UGP2: variants seen among roughly 807,000 people sequenced by gnomAD.
UGP2 encodes UDP-glucose pyrophosphorylase 2.
In UGP2, 40 loss-of-function variants were observed where a neutral mutation model predicts 49.0. The ratio of observed to expected loss-of-function variants is 0.82; its 90% CI spans 0.63 to 1.06. The LOEUF is 1.06. UGP2 is among the 50% of genes least tolerant of loss of function. The pLI, the probability that UGP2 is intolerant of heterozygous loss-of-function variation, is 0.00. For missense variants in UGP2, 460 were observed against 603.5 expected (o/e 0.76, Z 2.49); for synonymous variants, 225 against 213.0 (o/e 1.06, Z -0.49).
chr2:63,870,082 C>T (rs927070501), intron 3 of UGP2, among the ~76,000 whole-genome samples: 1 of 152,032 alleles, frequency 6.6e-6, no homozygotes, highest in Non-Finnish European at 1.5e-5. Context: ...GCCACCATGC[C>T]TGGCTAATTT....
chr2:63,841,388 G>C (rs560448777), upstream of UGP2, among the ~76,000 whole-genome samples: 13 of 152,184 alleles, frequency 8.5e-5, no homozygotes, highest in South Asian at 2.5e-3. Flanking sequence ...GAATATGTAC[G>C]GGAAGGGTCG....
intron 1 of UGP2, among the ~76,000 whole-genome samples, chr2:63,846,483 A>G (rs1671943704): frequency 6.6e-6 from 1 of 152,226 alleles, no homozygotes; most frequent in Non-Finnish European, 1.5e-5. Flanking sequence ...ATCTATCTAA[A>G]TTATGTAAAA....
intron 1 of UGP2, 119 bp downstream of exon 1, chr2:63,842,323 C>T: frequency 6.2e-7 from 1 of 1,606,484 alleles, no homozygotes. Flanking sequence ...ATTTGCGAAA[C>T]CCTTTTCGTT....
chr2:63,860,766 T>A (rs1669782555), intron 3 of UGP2, among the ~76,000 whole-genome samples: 1 of 148,170 alleles, frequency 6.7e-6, no homozygotes, highest in African/African-American at 2.5e-5. Context: ...CAGCTAATTT[T>A]TTTTTTTTTT....
chr2:63,888,213 G>A (rs1671823877), intron 8 of UGP2: 2 of 154,294 alleles, frequency 1.3e-5, no homozygotes, highest in Non-Finnish European at 1.4e-5. Context: ...GCCTCATTGA[G>A]TTGATTGAGT....
At position 63,891,288 on chromosome 2, in the gene UGP2, A is replaced by G; in HGVS notation, c.*61A>G. 3 of 1,438,124 alleles carry G rather than the reference A, an allele frequency of 2.1e-6. No homozygotes were observed. Among genetic ancestry groups the G allele is most frequent in the East Asian group, 2.3e-5 (1 of 43,554 alleles). The allele number at this position is 1,438,124 out of a possible 1,614,324, so 89.1% of individuals were successfully genotyped here. ...AGTTTCTTACAATGAAATGTTCTCT[A>G]GGATTCTAAAATAGGCAGGTACTTT... On this transcript the variant is annotated 3_prime_UTR_variant, in exon 10 of 10. Transcript: ENST00000337130.
intron 8 of UGP2, 198 bp from the exon 9 acceptor site, chr2:63,889,883 C>A: frequency 6.4e-6 from 3 of 467,268 alleles, no homozygotes; most frequent in Non-Finnish European, 7.5e-6. Flanking sequence ...GGTGTAAAAA[C>A]AATGTTTGTA....
chr2:63,879,651 C>T (rs1009611502), intron 3 of UGP2, among the ~76,000 whole-genome samples: 6 of 152,178 alleles, frequency 3.9e-5, no homozygotes, highest in Non-Finnish European at 7.3e-5. Context: ...TCCGGATACC[C>T]GTAGGGGTAG....
chr2:63,878,194 C>T (rs1158724789), intron 3 of UGP2, among the ~76,000 whole-genome samples: 7 of 152,028 alleles, frequency 4.6e-5, no homozygotes, highest in Non-Finnish European at 1.0e-4. Context: ...AAGTGCTGTT[C>T]CATCTTGTAT....
chr2:63,842,526 G>C (rs1028520235), intron 1 of UGP2: 32 of 1,533,564 alleles, frequency 2.1e-5, no homozygotes, highest in Non-Finnish European at 2.6e-5. Flanking sequence ...CTCTTTTCCT[G>C]GTCTGTGTCA....
chr2:63,860,955 TCTTAC>T (rs1344323460), intron 3 of UGP2, among the ~76,000 whole-genome samples: 1 of 152,072 alleles, frequency 6.6e-6, no homozygotes, highest in Non-Finnish European at 1.5e-5. Context: ...TTTTACTCGT[TCTTAC>T]CTTTTGTGTT....
chr2:63,866,336 C>T (rs1670185426), intron 3 of UGP2, among the ~76,000 whole-genome samples: 1 of 152,180 alleles, frequency 6.6e-6, no homozygotes, highest in South Asian at 2.1e-4. Context: ...GTTAATGTGT[C>T]TAAAACTTTT....
intron 3 of UGP2, among the ~76,000 whole-genome samples, chr2:63,869,133 A>G (rs1247402939): frequency 1.3e-5 from 2 of 152,190 alleles, no homozygotes; most frequent in African/African-American, 4.8e-5. Flanking sequence ...GAAGTGGACA[A>G]TAAAAAATAT....
chr2:63,889,914 G>A lies in UGP2; in HGVS notation c.1315-167G>A, dbSNP rs1278544052. 8.9e-6 allele frequency: 5 copies of A among 560,696 alleles called. No individual in the cohort carries two copies. In the East Asian group the frequency reaches 9.4e-5, roughly 11 times the overall value. 34.7% of individuals were successfully genotyped at this position (560,696 alleles called of 1,614,324 possible). ...TTGTAGCTCCTGGTCTTTCCTGCAC[G>A]GCATTTAGCATATAATGAGTGCTTA... On this transcript the variant is annotated intron_variant, in intron 8 of 9. Coordinates refer to ENST00000337130, the MANE Select transcript of UGP2 (RefSeq NM_006759.4).
chr2:63,881,060 A>G (rs1256469864), intron 3 of UGP2, among the ~76,000 whole-genome samples: 1 of 152,212 alleles, frequency 6.6e-6, no homozygotes, highest in Non-Finnish European at 1.5e-5. Context: ...ACAAGTAGAG[A>G]GCCTTGGAGA....
chr2:63,858,605 T>C (rs1669613670), intron 3 of UGP2, among the ~76,000 whole-genome samples: 1 of 152,160 alleles, frequency 6.6e-6, no homozygotes, highest in Non-Finnish European at 1.5e-5. Context: ...AAAGCTAAAA[T>C]TCCTCTTGGC....
chr2:63,883,353 A>G (rs1412955110), intron 4 of UGP2: 3 of 152,226 alleles, frequency 2.0e-5, no homozygotes, highest in East Asian at 1.9e-4. Context: ...GGTTCCCAAG[A>G]TAGTTAGTAA....
intron 5 of UGP2, 111 bp from the exon 6 acceptor site, chr2:63,885,478 T>G: frequency 1.2e-6 from 1 of 860,660 alleles, no homozygotes; most frequent in Non-Finnish European, 1.6e-6. Context: ...TACTTATTGA[T>G]AGACTCTGAA....
chr2:63,858,159 C>A (rs985364067), intron 3 of UGP2, among the ~76,000 whole-genome samples: 8 of 152,168 alleles, frequency 5.3e-5, no homozygotes, highest in Non-Finnish European at 8.8e-5. Flanking sequence ...ACAGTCTGAT[C>A]TCCCTGTGGC....
Sources: allele counts gnomAD v4.1 joint callset (sites outside exome capture counted in the v4.1 genomes callset), GRCh38; gene constraint gnomAD v4.1.1; transcripts MANE v1.5; gene names NCBI Gene and HGNC (gene_info 2026-07-23, HGNC 2026-07-21).